The following EMC3 variants were observed in gnomAD, a reference collection of about 807,000 sequenced individuals.
EMC3 encodes 30 kDa protein.
In EMC3, 13 loss-of-function variants were observed where a neutral mutation model predicts 36.6. The observed-to-expected ratio is 0.35, with a 90% CI of 0.23 to 0.56. The LOEUF is 0.56. Among genes scored for constraint, EMC3 ranks in the 20% least tolerant of loss-of-function variants. EMC3 has a pLI of 0.84. For synonymous variants in EMC3, 120 were observed against 111.9 expected (o/e 1.07, Z -0.46); for missense variants, 220 against 324.5 (o/e 0.68, Z 2.47).
intron 3 of EMC3, 79 bp downstream of exon 3, chr3:9,976,878 C>A (rs1200711604): frequency 1.6e-5 from 15 of 963,438 alleles, no homozygotes; most frequent in Non-Finnish European, 2.4e-5. Context: ...TAAAATGACA[C>A]CCTCCCTGCC....
intron 5 of EMC3, among the ~76,000 whole-genome samples, chr3:9,972,951 C>A (rs1024654164): frequency 6.7e-6 from 1 of 148,534 alleles, no homozygotes; most frequent in African/African-American, 2.5e-5. Flanking sequence ...GCCTCAGCCT[C>A]CTGAGTAGCT....
intron 7 of EMC3, chr3:9,969,326 C>G: frequency 9.0e-7 from 1 of 1,106,188 alleles, no homozygotes; most frequent in South Asian, 2.1e-5. Context: ...AAAAATCATA[C>G]TAAATTTTGC....
At chr3:9,995,291 G>A (rs6782660) in intron 1 of EMC3, among the ~76,000 whole-genome samples, 27,022 of 124,498 alleles carry the variant, frequency 0.22, 290 homozygotes, top group African/African-American at 0.32. Context: ...TCTTTTTGAG[G>A]AATTTCAACT....
rs191460794 is a variant in EMC3, at chr3:10,010,159, G to A, written c.-242+864C>T. On this transcript the variant is annotated intron_variant, in intron 1 of 8. Coordinates refer to the EMC3 transcript ENST00000470827. ...TATCTTAAAAGACTTTCGGCCGGGC[G>A]CGGTGGCTCACGCCTGTAATCCCAG... The A allele has an allele frequency of 2.6e-3, 396 of 152,844 alleles. 1 individual carries two copies. The highest frequency in any genetic ancestry group is 4.4e-3 in the Non-Finnish European group (303 of 68,472). The allele number at this position is 152,844 out of a possible 1,614,324, so 9.5% of individuals were successfully genotyped here.
At chr3:9,996,557 CTG>C (rs2086127656) in intron 1 of EMC3, among the ~76,000 whole-genome samples, 1 of 152,178 alleles carries the variant, frequency 6.6e-6, no homozygotes, top group South Asian at 2.1e-4. Flanking sequence ...TCATACTGGA[CTG>C]TGACTTTGAA....
intron 1 of EMC3, chr3:10,003,362 A>C (rs1315023374): frequency 2.7e-6 from 1 of 372,084 alleles, no homozygotes; most frequent in Non-Finnish European, 5.3e-6. Flanking sequence ...TCCACCGCCG[A>C]AAAGGAGGAA....
chr3:9,994,253 G>C (rs192819357), intron 1 of EMC3: 3 of 1,428,860 alleles, frequency 2.1e-6, no homozygotes, highest in East Asian at 2.4e-5. Flanking sequence ...CTCTAGACTA[G>C]AGTAGAATTT....
chr3:9,998,038 C>T (rs1012010188), intron 1 of EMC3, among the ~76,000 whole-genome samples: 2 of 152,024 alleles, frequency 1.3e-5, no homozygotes, highest in African/African-American at 4.8e-5. Flanking sequence ...TCCAATTTCT[C>T]CATATTCTTG....
At chr3:9,980,558 T>TG (rs1326298956) in intron 1 of EMC3, among the ~76,000 whole-genome samples, 1 of 149,964 alleles carries the variant, frequency 6.7e-6, no homozygotes, top group Non-Finnish European at 1.5e-5. Context: ...TTTTTTGTTT[T>TG]TTTTTTTTTT....
intron 1 of EMC3, among the ~76,000 whole-genome samples, chr3:9,998,490 C>T (rs1375896902): frequency 1.3e-5 from 2 of 150,672 alleles, no homozygotes; most frequent in South Asian, 2.1e-4. Flanking sequence ...AGTGCAGTGG[C>T]GTGATCATAG....
At chr3:10,004,259 T>C (rs937611557) in intron 1 of EMC3, 1 of 152,136 alleles carries the variant, frequency 6.6e-6, no homozygotes, top group Non-Finnish European at 1.5e-5. Flanking sequence ...CTAGAAGAAG[T>C]TATGAGGGAC....
At chr3:9,985,614 G>A (rs1278829330) in intron 1 of EMC3, among the ~76,000 whole-genome samples, 2 of 152,108 alleles carry the variant, frequency 1.3e-5, no homozygotes, top group Admixed American at 6.6e-5. Flanking sequence ...TGCAACGAGG[G>A]GCTGGTTGCC....
chr3:9,968,645 TTC>T (rs542626738), intron 7 of EMC3: 7 of 152,038 alleles, frequency 4.6e-5, no homozygotes, highest in East Asian at 1.9e-4. Flanking sequence ...GCTGAGAAAT[TTC>T]TCTCTTTTTT....
At chr3:9,977,133 GA>G (rs2085858480) in intron 2 of EMC3, 83 bp from the exon 3 acceptor site, 1 of 1,131,288 alleles carries the variant, frequency 8.8e-7, no homozygotes, top group African/African-American at 1.6e-5. Context: ...GGCTTAGTCA[GA>G]AGGCCTTTAG....
At chr3:10,008,686 T>A (rs1389258538) in intron 1 of EMC3, 1 of 351,778 alleles carries the variant, frequency 2.8e-6, no homozygotes, top group Non-Finnish European at 5.6e-6. Context: ...ATTTGCTGTT[T>A]ACCCCGTCCC....
chr3:10,005,241 A>C (rs2086250931), intron 1 of EMC3: 2 of 125,984 alleles, frequency 1.6e-5, no homozygotes, highest in Admixed American at 1.5e-4. Context: ...CAGTACTGCC[A>C]CTTAAAAAAA....
At chr3:10,007,254 CAT>C in intron 1 of EMC3, 1 of 1,191,098 alleles carries the variant, frequency 8.4e-7, no homozygotes, top group Non-Finnish European at 1.1e-6. Context: ...GAGTCCCACA[CAT>C]TGTTCATGGC....
intron 1 of EMC3, chr3:10,007,600 T>G: frequency 7.3e-7 from 1 of 1,367,010 alleles, no homozygotes; most frequent in Non-Finnish European, 9.8e-7. Flanking sequence ...AGGGGAGGGT[T>G]GATGGCAAGA....
upstream of EMC3, chr3:9,987,260 T>C: frequency 1.0e-6 from 1 of 984,518 alleles, no homozygotes. Context: ...GGGGACGGCT[T>C]CTCGGTGAGT....
Sources: allele counts gnomAD v4.1 joint callset (sites outside exome capture counted in the v4.1 genomes callset), GRCh38; gene constraint gnomAD v4.1.1; transcripts MANE v1.5; gene names NCBI Gene and HGNC (gene_info 2026-07-23, HGNC 2026-07-21).